The following OPCML variants were observed in gnomAD, a reference collection of about 807,000 sequenced individuals.
OPCML encodes the protein opioid-binding protein/cell adhesion molecule.
A neutral mutation model predicts 37.8 loss-of-function variants in OPCML; 13 were observed. The observed-to-expected ratio is 0.34, with a 90% CI of 0.22 to 0.55. OPCML has a LOEUF of 0.55. Among genes scored for constraint, OPCML ranks in the 20% least tolerant of loss-of-function variants. The pLI is 0.91. For missense variants in OPCML, 341 were observed against 435.6 expected, an observed-to-expected ratio of 0.78 and a Z score of 1.93; for synonymous variants, 176 against 168.8, an observed-to-expected ratio of 1.04 and a Z score of -0.33.
At chr11:132,798,520 T>G (rs905522642) in intron 2 of OPCML, among the ~76,000 whole-genome samples, 2 of 152,278 alleles carry the variant, frequency 1.3e-5, no homozygotes, top group Non-Finnish European at 1.5e-5. Flanking sequence ...GACTGTATTA[T>G]GAAATTGCAG....
chr11:133,428,938 T>C (rs1946062403), intron 1 of OPCML, among the ~76,000 whole-genome samples: 1 of 152,190 alleles, frequency 6.6e-6, no homozygotes, highest in Non-Finnish European at 1.5e-5. Flanking sequence ...ATGAAATATG[T>C]TTAACAAAAT....
chr11:132,995,203 A>G (rs1946859162), intron 1 of OPCML, among the ~76,000 whole-genome samples: 1 of 152,226 alleles, frequency 6.6e-6, no homozygotes, highest in Admixed American at 6.5e-5. Flanking sequence ...TAGCTCAAGA[A>G]TGAATGGAAG....
intron 3 of OPCML, among the ~76,000 whole-genome samples, chr11:132,580,900 C>T (rs2096460848): frequency 6.6e-6 from 1 of 152,066 alleles, no homozygotes; most frequent in Non-Finnish European, 1.5e-5. Flanking sequence ...TTTCTTTTTG[C>T]TTCATATAAT....
At chr11:133,380,395 T>C (rs773783015) in intron 1 of OPCML, among the ~76,000 whole-genome samples, 2 of 152,206 alleles carry the variant, frequency 1.3e-5, no homozygotes, top group Non-Finnish European at 2.9e-5. Context: ...TCCTAACTGA[T>C]CTTCACTAAG....
At chr11:132,792,850 G>C (rs964164123) in intron 2 of OPCML, among the ~76,000 whole-genome samples, 1 of 152,078 alleles carries the variant, frequency 6.6e-6, no homozygotes, top group African/African-American at 2.4e-5. Context: ...TTCATTATTC[G>C]CCGGGCCCGG....
At chr11:133,498,084 C>T (rs1947823894) in intron 1 of OPCML, among the ~76,000 whole-genome samples, 1 of 152,222 alleles carries the variant, frequency 6.6e-6, no homozygotes, top group Non-Finnish European at 1.5e-5. Context: ...GGCAGCATCT[C>T]TGCACCACCG....
intron 2 of OPCML, among the ~76,000 whole-genome samples, chr11:132,686,762 T>C (rs1366443080): frequency 6.6e-6 from 1 of 152,180 alleles, no homozygotes; most frequent in East Asian, 1.9e-4. Flanking sequence ...CGTGTTCTAT[T>C]CTCCCACATT....
At chr11:132,861,838 T>TAAAAA (rs58457650) in intron 2 of OPCML, among the ~76,000 whole-genome samples, 1 of 94,350 alleles carries the variant, frequency 1.1e-5, no homozygotes, top group Non-Finnish European at 2.3e-5. Flanking sequence ...CCATCTCAAA[T>TAAAAA]AAAAAAAAAA....
intron 1 of OPCML, among the ~76,000 whole-genome samples, chr11:133,131,763 G>C (rs510720): frequency 0.74 from 112,485 of 152,138 alleles, 42,606 homozygotes; most frequent in East Asian, 0.99. Context: ...GTCTTAACAT[G>C]TTTGAACCTC....
intron 3 of OPCML, among the ~76,000 whole-genome samples, chr11:132,559,717 A>G (rs1415511823): frequency 6.6e-6 from 1 of 152,210 alleles, no homozygotes; most frequent in African/African-American, 2.4e-5. Context: ...AGATTATTTC[A>G]AGAAGATAAG....
intron 1 of OPCML, among the ~76,000 whole-genome samples, chr11:133,031,090 G>T (rs1357184496): frequency 6.6e-6 from 1 of 152,148 alleles, no homozygotes; most frequent in Non-Finnish European, 1.5e-5. Context: ...AAACATGATG[G>T]TTTACTCAGC....
At chr11:132,526,627 G>T (rs951280212) in intron 4 of OPCML, among the ~76,000 whole-genome samples, 1 of 151,860 alleles carries the variant, frequency 6.6e-6, no homozygotes. Context: ...TGATGCTCCT[G>T]GTAAAAGATC....
At chr11:133,072,087 T>C (rs1948547973) in intron 1 of OPCML, among the ~76,000 whole-genome samples, 1 of 152,120 alleles carries the variant, frequency 6.6e-6, no homozygotes, top group African/African-American at 2.4e-5. Context: ...CATGAAGTTA[T>C]GCGATGGGAA....
At chr11:133,229,309 C>T (rs1415202012) in intron 1 of OPCML, among the ~76,000 whole-genome samples, 1 of 152,140 alleles carries the variant, frequency 6.6e-6, no homozygotes, top group African/African-American at 2.4e-5. Flanking sequence ...TTGGCATGGT[C>T]TGAAAATATT....
chr11:133,125,736 TATATATATA>T (rs1459532496), intron 1 of OPCML, among the ~76,000 whole-genome samples: 2 of 126,706 alleles, frequency 1.6e-5, no homozygotes, highest in African/African-American at 6.2e-5. Context: ...GTATATATAG[TATATATATA>T]GTATATATAT....
chr11:133,251,726 G>T (rs1307183645), intron 1 of OPCML, among the ~76,000 whole-genome samples: 1 of 152,122 alleles, frequency 6.6e-6, no homozygotes, highest in Non-Finnish European at 1.5e-5. Context: ...GAACCTAAAT[G>T]CACCAGGCAT....
At chr11:133,114,039 A>G (rs1444405446) in intron 1 of OPCML, among the ~76,000 whole-genome samples, 2 of 152,242 alleles carry the variant, frequency 1.3e-5, no homozygotes, top group African/African-American at 2.4e-5. Context: ...TTCTTCAGAA[A>G]CAGAGCATAA....
chr11:132,572,756 T>C (rs1195410380), intron 3 of OPCML, among the ~76,000 whole-genome samples: 2 of 152,140 alleles, frequency 1.3e-5, no homozygotes, highest in African/African-American at 4.8e-5. Flanking sequence ...ATATGAATTG[T>C]AGAATTGTTT....
chr11:132,645,203 G>C (rs1468487926), intron 3 of OPCML, among the ~76,000 whole-genome samples: 2 of 152,178 alleles, frequency 1.3e-5, no homozygotes, highest in African/African-American at 4.8e-5. Flanking sequence ...GTTTCACTAA[G>C]AACTTCTTTA....
Sources: allele counts gnomAD v4.1 joint callset (sites outside exome capture counted in the v4.1 genomes callset), GRCh38; gene constraint gnomAD v4.1.1; transcripts MANE v1.5; gene names NCBI Gene and HGNC (gene_info 2026-07-23, HGNC 2026-07-21).